The following TMEM263 variants were observed in gnomAD, a reference collection of about 807,000 sequenced individuals.
TMEM263 encodes UPF0444 transmembrane protein C12orf23.
Under a neutral mutation model 8.6 loss-of-function variants are expected in TMEM263, and 5 were observed. The ratio of observed to expected loss-of-function variants is 0.58; its 90% CI spans 0.31 to 1.23. TMEM263 has a LOEUF of 1.23. Among genes scored for constraint, TMEM263 ranks in the 50% most tolerant of loss-of-function variants. The pLI is 0.07. For synonymous variants in TMEM263, 50 were observed against 47.9 expected (o/e 1.04, Z -0.18); for missense variants, 104 against 138.8 (o/e 0.75, Z 1.26).
At chr12:106,970,578 A>G (rs1426584812) in intron 3 of TMEM263, among the ~76,000 whole-genome samples, 1 of 152,212 alleles carries the variant, frequency 6.6e-6, no homozygotes, top group Non-Finnish European at 1.5e-5. Flanking sequence ...TGAAAAGACA[A>G]ATGATATTTT....
At position 106,955,911 on chromosome 12, in the gene TMEM263, T is replaced by C; in HGVS notation, c.-229T>C. 1.0e-6 allele frequency: 1 copy of C among 985,488 alleles called. No homozygotes were observed. Among genetic ancestry groups the C allele is most frequent in the Non-Finnish European group, 1.2e-6 (1 of 830,052 alleles). 61.0% of individuals were successfully genotyped at this position (985,488 alleles called of 1,614,324 possible). A position where few individuals can be genotyped will look rare whatever the true frequency, so the allele number is the denominator to read the frequency against. ...TCCGCCTCCACCACCGCCGCCACAG[T>C]CTTCCAGCTCCACATCCTGAGAGGA... On this transcript the variant is annotated 5_prime_UTR_variant, in exon 1 of 4. Transcript: ENST00000280756.
intron 2 of TMEM263, among the ~76,000 whole-genome samples, chr12:106,957,855 G>A (rs967037997): frequency 1.3e-5 from 2 of 152,146 alleles, no homozygotes; most frequent in Admixed American, 6.5e-5. Context: ...TAGCCTATTT[G>A]CTGTTGATTT....
intron 2 of TMEM263, among the ~76,000 whole-genome samples, chr12:106,961,346 G>T (rs995733516): frequency 1.4e-5 from 2 of 145,502 alleles, no homozygotes; most frequent in Non-Finnish European, 3.0e-5. Flanking sequence ...AAAGTGCTGG[G>T]ATTACAATAT....
intron 3 of TMEM263, among the ~76,000 whole-genome samples, chr12:106,968,308 G>A (rs1033615502): frequency 5.3e-5 from 8 of 152,032 alleles, no homozygotes; most frequent in South Asian, 2.1e-4. Context: ...AAGAACTATC[G>A]GAGATTGCAG....
intron 2 of TMEM263, among the ~76,000 whole-genome samples, chr12:106,962,914 G>C (rs1951798690): frequency 6.6e-6 from 1 of 152,206 alleles, no homozygotes; most frequent in Admixed American, 6.5e-5. Context: ...TGGTGATAGA[G>C]TAGTGAACAA....
At position 106,971,249 on chromosome 12, in the gene TMEM263, C is replaced by T; in HGVS notation, c.209C>T (p.Thr70Ile). 1 of 1,614,172 alleles carries T rather than the reference C, an allele frequency of 6.2e-7. No individual in the cohort carries two copies. The highest frequency in any genetic ancestry group is 8.5e-7 in the Non-Finnish European group (1 of 1,180,032). ...IGGKSLEVTK[T>I]AVTTVPSMGI... is the part of the protein sequence containing the mutation. ...GGAAAGAGTCTGGAAGTGACCAAAA[C>T]AGCTGTTACAACTGTGCCTTCCATG... The change falls in exon 4 of 4, where the codon ACA becomes ATA. Residue 70 changes from threonine (T) to isoleucine (I), a missense_variant. By Grantham distance (89) the Thr-to-Ile change is moderately conservative (BLOSUM62 -1). Transcript: ENST00000280756.
chr12:106,966,697 A>G (rs1156939973), intron 2 of TMEM263, among the ~76,000 whole-genome samples: 2 of 147,672 alleles, frequency 1.4e-5, no homozygotes, highest in African/African-American at 2.6e-5. Context: ...TAGTTCTGGT[A>G]TACTTTTTTC....
intron 2 of TMEM263, among the ~76,000 whole-genome samples, chr12:106,958,872 A>G (rs540662671): frequency 1.3e-5 from 2 of 152,350 alleles, no homozygotes; most frequent in African/African-American, 4.8e-5. Context: ...CGACCTTTCA[A>G]AGTGCTGGGA....
At chr12:106,968,274 A>G (rs1268206246) in intron 3 of TMEM263, among the ~76,000 whole-genome samples, 1 of 152,116 alleles carries the variant, frequency 6.6e-6, no homozygotes, top group African/African-American at 2.4e-5. Context: ...CAAAGGGTTT[A>G]CACTTAAGCC....
At chr12:106,961,154 C>T (rs1951770370) in intron 2 of TMEM263, among the ~76,000 whole-genome samples, 1 of 149,940 alleles carries the variant, frequency 6.7e-6, no homozygotes, top group East Asian at 2.0e-4. Context: ...AACTCCTGGG[C>T]TTAAGCAGTT....
At chr12:106,958,991 G>A (rs1308772703) in intron 2 of TMEM263, among the ~76,000 whole-genome samples, 1 of 152,214 alleles carries the variant, frequency 6.6e-6, no homozygotes, top group Non-Finnish European at 1.5e-5. Context: ...TATATAATTT[G>A]TTTCTTGAAT....
chr12:106,961,046 G>A (rs1175531661), intron 2 of TMEM263, among the ~76,000 whole-genome samples: 1 of 103,022 alleles, frequency 9.7e-6, no homozygotes, highest in East Asian at 3.5e-4. Context: ...GTCCTGTCCT[G>A]TCCTGTCCTG....
At chr12:106,966,932 G>A in intron 2 of TMEM263, 179 bp from the exon 3 acceptor site, 2 of 544,716 alleles carry the variant, frequency 3.7e-6, no homozygotes, top group Admixed American at 3.9e-5. Context: ...ATAATTTAAA[G>A]TATTTATTAA....
chr12:106,957,331 A>G (rs1951712929), intron 2 of TMEM263, among the ~76,000 whole-genome samples, 182 bp downstream of exon 2: 1 of 152,262 alleles, frequency 6.6e-6, no homozygotes. Flanking sequence ...AGTCTTTGTT[A>G]GAACAGATGT....
chr12:106,973,238 A>AT lies in TMEM263; in HGVS notation c.*1849dup, dbSNP rs1228625668. On this transcript the variant is annotated 3_prime_UTR_variant, in exon 4 of 4. Coordinates refer to ENST00000280756, the MANE Select transcript of TMEM263 (RefSeq NM_152261.4). ...TCAAATGTCATAATCAGCAAACGGG[A>AT]TTAAAAAAAAAACTCCAAAATCACT... 7.2e-5 allele frequency: 11 copies of AT among 152,478 alleles called. No homozygotes were observed. Among genetic ancestry groups the AT allele is most frequent in the South Asian group, 4.1e-4 (2 of 4,826 alleles). 9.4% of individuals were successfully genotyped at this position (152,478 alleles called of 1,614,324 possible). A position where few individuals can be genotyped will look rare whatever the true frequency, so the allele number is the denominator to read the frequency against.
At chr12:106,956,274 AT>A (rs1951688978) in intron 1 of TMEM263, among the ~76,000 whole-genome samples, 1 of 152,032 alleles carries the variant, frequency 6.6e-6, no homozygotes, top group Non-Finnish European at 1.5e-5. Context: ...ACTCCTCCTT[AT>A]ACGTCGCTGA....
Position 106,971,244 on chromosome 12 carries a change from C to T in TMEM263, c.204C>T (p.Thr68=). 1.2e-6 allele frequency: 2 copies of T among 1,614,088 alleles called. No homozygotes were observed. The highest frequency in any genetic ancestry group is 1.7e-6 in the Non-Finnish European group (2 of 1,180,012). ...TTGGTGGAAAGAGTCTGGAAGTGACCAAAACAGCTGTTACAACTGTGCCTT... is the reference window on the plus strand; with the variant it reads ...TTGGTGGAAAGAGTCTGGAAGTGACTAAAACAGCTGTTACAACTGTGCCTT... The part of the protein sequence containing the change: ...AWIGGKSLEV[T]KTAVTTVPSM... The change falls in exon 4 of 4, where the codon ACC becomes ACT. Residue 68 remains threonine, a synonymous_variant. Coordinates refer to ENST00000280756, the MANE Select transcript of TMEM263 (RefSeq NM_152261.4).
chr12:106,973,520 G>C lies in TMEM263; in HGVS notation c.*2129G>C, dbSNP rs1448631461. 1 of 152,560 alleles carries C rather than the reference G, an allele frequency of 6.6e-6. No homozygotes were observed. Among genetic ancestry groups the C allele is most frequent in the Non-Finnish European group, 1.5e-5 (1 of 67,990 alleles). 9.5% of individuals were successfully genotyped at this position (152,560 alleles called of 1,614,324 possible). A position where few individuals can be genotyped will look rare whatever the true frequency, so the allele number is the denominator to read the frequency against. On this transcript the variant is annotated 3_prime_UTR_variant, in exon 4 of 4. Coordinates refer to ENST00000280756, the MANE Select transcript of TMEM263 (RefSeq NM_152261.4). ...ACAGAAAAGCCACCTGGTACGTTTT[G>C]TCTCATCAGGATTGTTTTAAATTCT...
intron 2 of TMEM263, among the ~76,000 whole-genome samples, chr12:106,965,328 C>T (rs12299711): frequency 0.19 from 29,633 of 152,038 alleles, 5,208 homozygotes; most frequent in African/African-American, 0.46. Context: ...CATCCTTGGC[C>T]GGGCGCAGTG....
Sources: allele counts gnomAD v4.1 joint callset (sites outside exome capture counted in the v4.1 genomes callset), GRCh38; gene constraint gnomAD v4.1.1; transcripts MANE v1.5; gene names NCBI Gene and HGNC (gene_info 2026-07-23, HGNC 2026-07-21).